The following GPC5 variants were observed in gnomAD, a reference collection of about 807,000 sequenced individuals.
The protein encoded by GPC5 is glypican-5.
In GPC5, 47 loss-of-function variants were observed where a neutral mutation model predicts 53.9. The observed-to-expected ratio is 0.87, with a 90% CI of 0.69 to 1.11. The LOEUF (loss-of-function observed/expected upper bound fraction) is 1.11, where lower values mean the gene tolerates loss of function less well. Ranked by LOEUF, GPC5 falls within the 50% of genes most tolerant of loss-of-function variation. GPC5 has a pLI of 0.00. For missense variants in GPC5, 748 were observed against 713.1 expected (o/e 1.05, Z -0.56); for synonymous variants, 286 against 263.3 (o/e 1.09, Z -0.84).
At chr13:92,521,148 C>G (rs1250130370) in intron 7 of GPC5, among the ~76,000 whole-genome samples, 1 of 152,140 alleles carries the variant, frequency 6.6e-6, no homozygotes, top group Non-Finnish European at 1.5e-5. Context: ...AGTGGAAGAA[C>G]ATTCCATGCT....
At chr13:91,853,578 C>T (rs975037906) in intron 5 of GPC5, among the ~76,000 whole-genome samples, 4 of 151,904 alleles carry the variant, frequency 2.6e-5, no homozygotes, top group Non-Finnish European at 5.9e-5. Flanking sequence ...GAAAATTTAA[C>T]CAACTTCTAG....
At chr13:91,739,913 A>G (rs2036894163) in intron 4 of GPC5, among the ~76,000 whole-genome samples, 2 of 151,346 alleles carry the variant, frequency 1.3e-5, no homozygotes, top group African/African-American at 4.9e-5. Context: ...AAGGGATTAG[A>G]CTGCCACCTA....
At chr13:92,175,381 A>C (rs2139027979) in intron 7 of GPC5, among the ~76,000 whole-genome samples, 1 of 152,312 alleles carries the variant, frequency 6.6e-6, no homozygotes, top group African/African-American at 2.4e-5. Context: ...GGAATTCAAT[A>C]AGTGTTTGCT....
chr13:92,182,696 C>G (rs942472816), intron 7 of GPC5, among the ~76,000 whole-genome samples: 1 of 150,238 alleles, frequency 6.7e-6, no homozygotes, highest in Non-Finnish European at 1.5e-5. Context: ...GAAACACCGT[C>G]TCTACTACAA....
chr13:92,516,820 G>A lies in GPC5; in HGVS notation c.1562-349462G>A, dbSNP rs541269162. On this transcript the variant is annotated intron_variant, in intron 7 of 7. Transcript: ENST00000377067. ...CAGGTTCATCTCACTGGGGTTCATCGGACAGTGGGGGCAGGACAGTGGGTG... is the reference window on the plus strand; with the variant it reads ...CAGGTTCATCTCACTGGGGTTCATCAGACAGTGGGGGCAGGACAGTGGGTG... 4.3e-4 allele frequency among the ~76,000 whole-genome samples: 65 copies of A among 152,200 alleles called. 1 individual carries two copies. The highest frequency in any genetic ancestry group is 1.1e-3 in the Admixed American group (17 of 15,278).
At chr13:92,398,450 A>T (rs1241579481) in intron 7 of GPC5, among the ~76,000 whole-genome samples, 3 of 148,946 alleles carry the variant, frequency 2.0e-5, no homozygotes, top group Admixed American at 1.3e-4. Context: ...AAAAAAAAAA[A>T]TTATTCCACT....
intron 6 of GPC5, among the ~76,000 whole-genome samples, chr13:92,026,473 G>A (rs1008862795): frequency 2.0e-5 from 3 of 148,858 alleles, no homozygotes; most frequent in African/African-American, 7.4e-5. Flanking sequence ...TTTGTACTGA[G>A]CTAAGCAGCA....
intron 1 of GPC5, among the ~76,000 whole-genome samples, chr13:91,418,429 A>T (rs1472896225): frequency 6.6e-6 from 1 of 152,206 alleles, no homozygotes; most frequent in Non-Finnish European, 1.5e-5. Flanking sequence ...TTTAGATTGT[A>T]GAATTGACAC....
intron 3 of GPC5, among the ~76,000 whole-genome samples, chr13:91,726,133 C>G (rs1446741458): frequency 2.0e-5 from 3 of 152,134 alleles, no homozygotes; most frequent in African/African-American, 7.2e-5. Context: ...ACTTCACTAT[C>G]ACTATTTTTC....
intron 5 of GPC5, among the ~76,000 whole-genome samples, chr13:91,773,181 A>G (rs2037655624): frequency 6.6e-6 from 1 of 152,198 alleles, no homozygotes; most frequent in Non-Finnish European, 1.5e-5. Flanking sequence ...TATTTCTGGA[A>G]GAAAAGCATT....
rs567538269 is a variant in GPC5 at position 91,937,177 on chromosome 13, C to A, written c.1401+29120C>A. 1.4e-4 allele frequency among the ~76,000 whole-genome samples: 21 copies of A among 152,142 alleles called. No homozygotes were observed. In the South Asian group the frequency reaches 4.4e-3, roughly 32 times the overall value. ...TTGACAAAGAAGGCAGTTTGGTCAA[C>A]TATCATGTAACAACCACTCATGTAA... On this transcript the variant is annotated intron_variant, in intron 6 of 7. Transcript: ENST00000377067.
chr13:92,727,072 A>G (rs1001001304), intron 7 of GPC5, among the ~76,000 whole-genome samples: 2 of 151,496 alleles, frequency 1.3e-5, no homozygotes, highest in African/African-American at 2.4e-5. Flanking sequence ...AACAAAAGGC[A>G]TGGGATATCT....
intron 5 of GPC5, among the ~76,000 whole-genome samples, chr13:91,764,275 C>T (rs1445536086): frequency 6.6e-6 from 1 of 152,138 alleles, no homozygotes. Context: ...TCTAAAAATG[C>T]TCTATGAATG....
chr13:92,566,419 A>G (rs1882866318), intron 7 of GPC5, among the ~76,000 whole-genome samples: 1 of 152,136 alleles, frequency 6.6e-6, no homozygotes, highest in Non-Finnish European at 1.5e-5. Context: ...GAAGACAAGG[A>G]GATTGAATAG....
chr13:91,513,833 T>C (rs1885360875), intron 2 of GPC5, among the ~76,000 whole-genome samples: 1 of 152,234 alleles, frequency 6.6e-6, no homozygotes, highest in Non-Finnish European at 1.5e-5. Flanking sequence ...CACAGCTTTT[T>C]CCTTGTAATT....
intron 2 of GPC5, among the ~76,000 whole-genome samples, chr13:91,621,534 T>C (rs1223498074): frequency 2.0e-5 from 3 of 151,934 alleles, no homozygotes; most frequent in Admixed American, 6.6e-5. Context: ...ATATGTCTGA[T>C]AGAGTAGAGT....
intron 7 of GPC5, among the ~76,000 whole-genome samples, chr13:92,618,978 A>G (rs192406430): frequency 4.4e-4 from 67 of 152,138 alleles, no homozygotes; most frequent in African/African-American, 1.4e-3. Context: ...AGTCACATCT[A>G]TATTAAAAAG....
chr13:92,840,352 G>T (rs1360092219), intron 7 of GPC5, among the ~76,000 whole-genome samples: 1 of 151,660 alleles, frequency 6.6e-6, no homozygotes, highest in Non-Finnish European at 1.5e-5. Flanking sequence ...ACATGGTTGT[G>T]CAAATATCTC....
At position 91,693,443 on chromosome 13, in the gene GPC5, C is replaced by A; in HGVS notation, c.582C>A (p.Ile194=). 2 of 1,614,138 alleles carry A rather than the reference C, an allele frequency of 1.2e-6. No homozygotes were observed. The highest frequency in any genetic ancestry group is 2.2e-5 in the East Asian group (1 of 44,880). ...GTTCCCTGGAATACTCAGAATGCATCCGGATGGCTCGCCGGGATGTGAGTC... is the reference window on the plus strand; with the variant it reads ...GTTCCCTGGAATACTCAGAATGCATACGGATGGCTCGCCGGGATGTGAGTC... The part of the protein sequence containing the change: ...TDSSLEYSEC[I]RMARRDVSPF... Residue 194 remains isoleucine (I), a synonymous_variant, in exon 3 of 8, where the codon ATC becomes ATA. Transcript: ENST00000377067.
Sources: gnomAD v4.1 joint callset for allele counts (sites outside exome capture counted in the v4.1 genomes callset) on GRCh38, gnomAD v4.1.1 for gene constraint, MANE v1.5 for transcripts, NCBI Gene and HGNC (gene_info 2026-07-23, HGNC 2026-07-21) for gene names.